The following CYP1A2 variants were observed in gnomAD, a reference collection of about 807,000 sequenced individuals.
CYP1A2 encodes cytochrome P450 family 1 subfamily A member 2, also known as cytochrome P450 1A2.
Under a neutral mutation model 34.7 loss-of-function variants are expected in CYP1A2, and 35 were observed. The observed-to-expected ratio is 1.01, with a 90% CI of 0.77 to 1.34. The LOEUF (loss-of-function observed/expected upper bound fraction) is 1.34, where lower values mean the gene tolerates loss of function less well. Ranked by LOEUF, CYP1A2 falls within the 40% of genes most tolerant of loss-of-function variation. The pLI is 0.00. For synonymous variants in CYP1A2, 288 were observed against 281.9 expected (o/e 1.02, Z -0.22); for missense variants, 675 against 675.8 (o/e 1.00, Z 0.01).
intron 1 of CYP1A2, 83 bp from the exon 2 acceptor site, chr15:74,749,647 G>A (rs1001805272): frequency 8.5e-7 from 1 of 1,175,130 alleles, no homozygotes; most frequent in Non-Finnish European, 1.2e-6. Flanking sequence ...ACACGCATCA[G>A]TGTTTATCAA....
intron 2 of CYP1A2, among the ~76,000 whole-genome samples, chr15:74,750,813 GC>G (rs1480901799): frequency 6.6e-6 from 1 of 152,170 alleles, no homozygotes; most frequent in Non-Finnish European, 1.5e-5. Flanking sequence ...TGGAAATGGG[GC>G]CCTAGCAGAG....
Position 74,750,669 on chromosome 15 carries a change from G to C in CYP1A2, c.831+100G>C, listed in dbSNP as rs532415396. The C allele has an allele frequency of 2.6e-5, 26 of 1,004,902 alleles. No individual in the cohort carries two copies. The Admixed American group carries it at 5.6e-4, about 22-fold the overall frequency. The allele number at this position is 1,004,902 out of a possible 1,614,324, so 62.2% of individuals were successfully genotyped here. A position where few individuals can be genotyped will look rare whatever the true frequency, so the allele number is the denominator to read the frequency against. ...GCCCACACAGCTGCTGTGTTGCCAA[G>C]GCCTAGGAAGGCTCTGGACACCTCA... On this transcript the variant is annotated intron_variant, in intron 2 of 6. Coordinates refer to ENST00000343932, the MANE Select transcript of CYP1A2 (RefSeq NM_000761.5).
intron 5 of CYP1A2, 141 bp from the exon 6 acceptor site, chr15:74,753,043 C>T: frequency 1.7e-6 from 1 of 594,768 alleles, no homozygotes; most frequent in Non-Finnish European, 3.0e-6. Context: ...ATGTTTCTAC[C>T]TCTTCCCTGT....
At chr15:74,750,619 A>G (rs769661100) in intron 2 of CYP1A2, 50 bp downstream of exon 2, 16 of 1,481,012 alleles carry the variant, frequency 1.1e-5, no homozygotes, top group Non-Finnish European at 1.5e-5. Context: ...GCCTGGGTGC[A>G]GCCCCTCCCT....
At chr15:74,749,379 T>C (rs2063303101) in intron 1 of CYP1A2, among the ~76,000 whole-genome samples, 2 of 152,332 alleles carry the variant, frequency 1.3e-5, no homozygotes, top group South Asian at 2.1e-4. Flanking sequence ...ATACCCAGCA[T>C]GCATGCTGTG....
Position 74,751,228 on chromosome 15 carries a change from A to C in CYP1A2, c.871A>C (p.Ser291Arg), listed in dbSNP as rs773632297. 1 of 1,614,166 alleles carries C rather than the reference A, an allele frequency of 6.2e-7. No individual in the cohort carries two copies. The highest frequency in any genetic ancestry group is 1.1e-5 in the South Asian group (1 of 91,086). ...CATCACGGGTGCCCTGTTCAAGCAC[A>C]GCAAGAAGGGGCCTAGAGCCAGCGG... ...RDITGALFKH[S>R]KKGPRASGNL... The change falls in exon 3 of 7, where the codon AGC becomes CGC. Residue 291 changes from serine (S) to arginine (R), a missense_variant. Coordinates refer to ENST00000343932, the MANE Select transcript of CYP1A2 (RefSeq NM_000761.5).
Position 74,752,290 on chromosome 15 carries a change from C to T in CYP1A2, c.1166+43C>T, listed in dbSNP as rs71651690. ...TGCCCTCCCACCTCTAAAGTGCTTG[C>T]CATGTTTTCTCTTCCTGGCTTCTCA... On this transcript the variant is annotated intron_variant, in intron 5 of 6. Transcript: ENST00000343932. 2.0e-3 allele frequency: 3,215 copies of T among 1,607,658 alleles called. 5 individuals are homozygous for T. The highest frequency in any genetic ancestry group is 2.5e-3 in the Non-Finnish European group (2,984 of 1,176,486).
chr15:74,752,561 T>C (rs2063321091), intron 5 of CYP1A2, among the ~76,000 whole-genome samples: 1 of 152,114 alleles, frequency 6.6e-6, no homozygotes, highest in Admixed American at 6.5e-5. Flanking sequence ...ACGCTGAACC[T>C]TCTGCCTGGA....
chr15:74,754,756 G>T, intron 6 of CYP1A2, 35 bp from the exon 7 acceptor site: 1 of 1,592,532 alleles, frequency 6.3e-7, no homozygotes, highest in South Asian at 1.1e-5. Flanking sequence ...GGCCTCTCCA[G>T]CCCTGAGGTC....
In CYP1A2 at chr15:74,750,132, G is replaced by A; in HGVS notation, c.394G>A (p.Val132Met). Residue 132 changes from valine (V) to methionine (M), a missense_variant, in exon 2 of 7, where the codon GTG becomes ATG. By Grantham distance (21) the Val-to-Met change is conservative. Transcript: ENST00000343932. ...GACCTTCAGCACAGACTCTGGACCG[G>A]TGTGGGCTGCCCGCCGGCGCCTGGC... ...SLTFSTDSGP[V>M]WAARRRLAQN... is the part of the protein sequence containing the mutation. 6.2e-7 allele frequency: 1 copy of A among 1,614,058 alleles called. No individual in the cohort carries two copies. The highest frequency in any genetic ancestry group is 8.5e-7 in the Non-Finnish European group (1 of 1,180,038).
rs778097570 is a variant in CYP1A2, at chr15:74,751,783, C to T, written c.971C>T (p.Thr324Ile). ...IFGAGFDTVT[T>I]AISWSLMYLV... is the part of the protein sequence containing the mutation. ...GGTTCAGGATTTGACACAGTCACCA[C>T]AGCCATCTCCTGGAGCCTCATGTAC... The change falls in exon 4 of 7, where the codon ACA (threonine) becomes ATA (isoleucine). Residue 324 changes from threonine (T) to isoleucine (I), a missense_variant. Transcript: ENST00000343932. 8.7e-6 allele frequency: 14 copies of T among 1,614,144 alleles called. No individual in the cohort carries two copies. The East Asian group carries it at 3.1e-4, about 36-fold the overall frequency.
Position 74,751,224 on chromosome 15 carries a change from G to C in CYP1A2, c.867G>C (p.Lys289Asn), listed in dbSNP as rs762114920. ...SVRDITGALFKHSKKGPRASG... is the reference protein window; with the variant it reads ...SVRDITGALFNHSKKGPRASG... ...GGGACATCACGGGTGCCCTGTTCAAGCACAGCAAGAAGGGGCCTAGAGCCA... is the reference window on the plus strand; with the variant it reads ...GGGACATCACGGGTGCCCTGTTCAACCACAGCAAGAAGGGGCCTAGAGCCA... Residue 289 changes from lysine (K) to asparagine (N), a missense_variant, in exon 3 of 7, where the codon AAG becomes AAC. Physicochemically the swap from Lys to Asn is moderately conservative, Grantham distance 94. Transcript: ENST00000343932. 1.2e-6 allele frequency: 2 copies of C among 1,614,086 alleles called. No homozygotes were observed. Among genetic ancestry groups the C allele is most frequent in the South Asian group, 2.2e-5 (2 of 91,084 alleles).
Position 74,750,254 on chromosome 15 carries a change from G to A in CYP1A2, c.516G>A (p.Leu172=). The A allele has an allele frequency of 1.9e-6, 3 of 1,614,222 alleles. No homozygotes were observed. The highest frequency in any genetic ancestry group is 2.5e-6 in the Non-Finnish European group (3 of 1,180,040). The change falls in exon 2 of 7, where the codon CTG becomes CTA. Residue 172 remains leucine (L), a synonymous_variant. Transcript: ENST00000343932. ...EEHVSKEAKA[L]ISRLQELMAG... is the part of the protein sequence containing the mutation. ...ATGTGAGCAAGGAGGCTAAGGCCCT[G>A]ATCAGCAGGTTGCAGGAGCTGATGG...
intron 1 of CYP1A2, 36 bp downstream of exon 1, chr15:74,748,933 T>A (rs2063301119): frequency 6.6e-6 from 1 of 152,232 alleles, no homozygotes; most frequent in Admixed American, 6.6e-5. Context: ...ATCTCTGGGA[T>A]CCCCAACTAT....
At chr15:74,752,350 T>A in intron 5 of CYP1A2, 103 bp downstream of exon 5, 1 of 1,511,442 alleles carries the variant, frequency 6.6e-7, no homozygotes, top group Non-Finnish European at 9.0e-7. Flanking sequence ...CTTCCCGACC[T>A]CGTTCCCCAC....
At chr15:74,751,353 T>C (rs1174103199) in intron 3 of CYP1A2, 44 bp downstream of exon 3, 1 of 1,610,420 alleles carries the variant, frequency 6.2e-7, no homozygotes, top group Non-Finnish European at 8.5e-7. Flanking sequence ...ATGCCTGCTG[T>C]TCACCCACAG....
intron 2 of CYP1A2, 62 bp from the exon 3 acceptor site, chr15:74,751,127 A>T: frequency 6.3e-7 from 1 of 1,599,098 alleles, no homozygotes. Flanking sequence ...AGGGGAGTGG[A>T]GCAACGTTCA....
chr15:74,754,519 A>G (rs1473053615), intron 6 of CYP1A2, among the ~76,000 whole-genome samples: 1 of 149,930 alleles, frequency 6.7e-6, no homozygotes, highest in Non-Finnish European at 1.5e-5. Context: ...GGTTGGCTTG[A>G]GCTGGGGAGG....
chr15:74,751,073 C>A, intron 2 of CYP1A2, 116 bp from the exon 3 acceptor site: 1 of 1,431,486 alleles, frequency 7.0e-7, no homozygotes, highest in Non-Finnish European at 9.4e-7. Flanking sequence ...GCCTAGAGAC[C>A]AAGTTGGGAG....
Sources: allele counts gnomAD v4.1 joint callset (sites outside exome capture counted in the v4.1 genomes callset), GRCh38; gene constraint gnomAD v4.1.1; transcripts MANE v1.5; gene names NCBI Gene and HGNC (gene_info 2026-07-23, HGNC 2026-07-21).